CSMD1: variants seen among roughly 807,000 people sequenced by gnomAD.
CSMD1 encodes CUB and sushi domain-containing protein 1.
In CSMD1, 213 loss-of-function variants were observed where a neutral mutation model predicts 417.5. The ratio of observed to expected loss-of-function variants is 0.51; its 90% CI spans 0.46 to 0.57. The LOEUF is 0.57. Ranked by LOEUF, CSMD1 falls within the 20% of genes least tolerant of loss-of-function variation. CSMD1 has a pLI of 0.00. For synonymous variants in CSMD1, 2,862 were observed against 1,736.8 expected (o/e 1.65, Z -16.11); for missense variants, 6,923 against 4,529.7 (o/e 1.53, Z -15.17).
intron 2 of CSMD1, among the ~76,000 whole-genome samples, chr8:4,512,524 A>C (rs569864697): frequency 6.6e-6 from 1 of 152,318 alleles, no homozygotes; most frequent in Non-Finnish European, 1.5e-5. Flanking sequence ...GTCTATGTAT[A>C]ACATCCTAAA....
chr8:4,912,695 T>G (rs1805776380), intron 1 of CSMD1, among the ~76,000 whole-genome samples: 1 of 152,218 alleles, frequency 6.6e-6, no homozygotes, highest in Non-Finnish European at 1.5e-5. Context: ...TTTCTGTTTT[T>G]GGTCTAAGGG....
chr8:4,639,015 T>A (rs556596117), intron 1 of CSMD1, among the ~76,000 whole-genome samples: 1 of 152,298 alleles, frequency 6.6e-6, no homozygotes, highest in South Asian at 2.1e-4. Flanking sequence ...AGAACAGCTC[T>A]GGGAGATTAG....
intron 50 of CSMD1, among the ~76,000 whole-genome samples, chr8:3,041,813 C>G (rs181837835): frequency 6.6e-6 from 1 of 152,006 alleles, no homozygotes; most frequent in African/African-American, 2.4e-5. Flanking sequence ...TGGCAGCCAT[C>G]AAATGGCGGT....
At chr8:3,960,165 C>T (rs1031344111) in intron 5 of CSMD1, among the ~76,000 whole-genome samples, 3 of 152,122 alleles carry the variant, frequency 2.0e-5, no homozygotes, top group Non-Finnish European at 2.9e-5. Context: ...AGCGTATCTT[C>T]TTGTATGTTG....
intron 8 of CSMD1, among the ~76,000 whole-genome samples, chr8:3,604,684 C>T (rs1000841202): frequency 2.0e-5 from 3 of 152,168 alleles, no homozygotes; most frequent in African/African-American, 7.2e-5. Flanking sequence ...AGCTAGAGGT[C>T]CCTAGATATC....
rs1157474827 is a variant in CSMD1, at chr8:3,614,573, A to AT, written c.1097+2136dup. On this transcript the variant is annotated intron_variant, in intron 8 of 69. Transcript: ENST00000635120. The stretch of plus-strand genomic sequence containing the variant: ...TTAAAGCTTAAGCATTTCCTCTGTC[A>AT]TTTTTTTAAAACATGAAGTGCAATT... Among the ~76,000 whole-genome samples the AT allele has an allele frequency of 2.6e-5, 4 of 152,274 alleles. 1 individual carries two copies. The highest frequency in any genetic ancestry group is 2.0e-4 in the Admixed American group (3 of 15,272).
chr8:4,444,491 A>C lies in CSMD1; in HGVS notation c.303-24426T>G, dbSNP rs80188893. ...AAGACATAAGCAGTCGCATTCAATT[A>C]GGATATATTTTGACAGACAAGTTTT... On this transcript the variant is annotated intron_variant, in intron 2 of 69. Transcript: ENST00000635120. Among the ~76,000 whole-genome samples, 978 of 152,022 alleles carry C rather than the reference A, an allele frequency of 6.4e-3. 8 individuals carry two copies. The highest frequency in any genetic ancestry group is 0.011 in the Non-Finnish European group (718 of 67,970).
At chr8:4,578,782 C>G (rs896642716) in intron 2 of CSMD1, among the ~76,000 whole-genome samples, 36 of 139,926 alleles carry the variant, frequency 2.6e-4, no homozygotes, top group African/African-American at 9.7e-4. Context: ...CCACTGCACT[C>G]TAGCCTGGGT....
At chr8:3,667,018 G>A (rs544147518) in intron 7 of CSMD1, among the ~76,000 whole-genome samples, 50 of 152,246 alleles carry the variant, frequency 3.3e-4, no homozygotes, top group African/African-American at 1.0e-3. Flanking sequence ...CAACCCTGAA[G>A]GCGCCAAGCT....
chr8:3,150,347 T>C (rs1346469917), intron 40 of CSMD1, among the ~76,000 whole-genome samples: 1 of 152,164 alleles, frequency 6.6e-6, no homozygotes. Flanking sequence ...GTCCTCCTCT[T>C]TTCTTGTGGA....
In CSMD1 at chr8:3,648,422, C is replaced by T. The variant is rs191365258; in HGVS notation, c.1010-31625G>A. The stretch of plus-strand genomic sequence containing the variant: ...GCTGCCTGCTGCACTAATGATGCAA[C>T]TCAAATTGAGATTTTAATACTGGAG... On this transcript the variant is annotated intron_variant, in intron 7 of 69. Transcript: ENST00000635120. Among the ~76,000 whole-genome samples, 198 of 152,270 alleles carry T rather than the reference C, an allele frequency of 1.3e-3. 5 individuals carry two copies. The highest frequency in any genetic ancestry group is 0.013 in the Admixed American group (197 of 15,302).
At chr8:4,311,905 C>A (rs552200834) in intron 3 of CSMD1, among the ~76,000 whole-genome samples, 79 of 151,936 alleles carry the variant, frequency 5.2e-4, no homozygotes, top group African/African-American at 1.9e-3. Context: ...GCAACGAACC[C>A]CCATGACACT....
intron 1 of CSMD1, among the ~76,000 whole-genome samples, chr8:4,760,771 C>T (rs1292620452): frequency 6.6e-6 from 1 of 151,990 alleles, no homozygotes; most frequent in Non-Finnish European, 1.5e-5. Context: ...AGTTTTAGAA[C>T]TAAATTTAGA....
intron 5 of CSMD1, among the ~76,000 whole-genome samples, chr8:3,881,224 C>G (rs1197781970): frequency 4.0e-5 from 6 of 150,274 alleles, no homozygotes; most frequent in African/African-American, 7.3e-5. Context: ...AAGTCACTCT[C>G]AACCCAAACC....
At chr8:3,388,958 T>C (rs773735467) in intron 17 of CSMD1, among the ~76,000 whole-genome samples, 3 of 150,756 alleles carry the variant, frequency 2.0e-5, no homozygotes, top group African/African-American at 4.9e-5. Flanking sequence ...TTCAGAGGCA[T>C]TGTTTATGAC....
At chr8:4,092,699 T>G (rs751954376) in intron 3 of CSMD1, among the ~76,000 whole-genome samples, 3 of 152,208 alleles carry the variant, frequency 2.0e-5, no homozygotes, top group African/African-American at 7.2e-5. Flanking sequence ...TTTTCCTTAA[T>G]GTGATTTTTG....
chr8:4,221,757 C>T (rs1479260844), intron 3 of CSMD1, among the ~76,000 whole-genome samples: 1 of 152,278 alleles, frequency 6.6e-6, no homozygotes, highest in African/African-American at 2.4e-5. Flanking sequence ...GGCTAGCCTA[C>T]ATTGAGATTA....
At position 4,154,570 on chromosome 8, in the gene CSMD1, G is replaced by A. The variant is rs376830827; in HGVS notation, c.416-122471C>T. ...ACTATGCTTCTAACGCCGTGAGCTG[G>A]GCCAAGAGGTGAGGTCTTTGGCAAT... On this transcript the variant is annotated intron_variant, in intron 3 of 69. Coordinates refer to ENST00000635120, the MANE Select transcript of CSMD1 (RefSeq NM_033225.6). Among the ~76,000 whole-genome samples the A allele has an allele frequency of 2.6e-4, 39 of 152,116 alleles. 1 individual carries two copies. The highest frequency in any genetic ancestry group is 9.4e-4 in the African/African-American group (39 of 41,422).
At chr8:4,608,801 A>G (rs1383216812) in intron 2 of CSMD1, among the ~76,000 whole-genome samples, 4 of 152,212 alleles carry the variant, frequency 2.6e-5, no homozygotes, top group Non-Finnish European at 4.4e-5. Flanking sequence ...TGTGTGATAC[A>G]CATGATAAGC....
Sources: allele counts gnomAD v4.1 joint callset (sites outside exome capture counted in the v4.1 genomes callset), GRCh38; gene constraint gnomAD v4.1.1; transcripts MANE v1.5; gene names NCBI Gene and HGNC (gene_info 2026-07-23, HGNC 2026-07-21).